TBC1D23: variants seen among roughly 807,000 people sequenced by gnomAD.
TBC1D23 encodes the protein TBC1 domain family member 23, also known as HCV non-structural protein 4A-transactivated protein 1.
Under a neutral mutation model 91.4 loss-of-function variants are expected in TBC1D23, and 55 were observed. The observed-to-expected ratio is 0.60, with a 90% confidence interval of 0.48 to 0.75. The LOEUF (loss-of-function observed/expected upper bound fraction) is 0.75. TBC1D23 is among the 30% of genes least tolerant of loss of function. TBC1D23 has a pLI of 0.00. For missense variants in TBC1D23, 725 were observed against 836.1 expected (o/e 0.87, Z 1.64); for synonymous variants, 289 against 281.0 (o/e 1.03, Z -0.28).
chr3:100,262,156 G>A (rs1052576601), intron 1 of TBC1D23, among the ~76,000 whole-genome samples: 1 of 152,174 alleles, frequency 6.6e-6, no homozygotes, highest in Non-Finnish European at 1.5e-5. Flanking sequence ...AAAACTTCAT[G>A]GTGATCTAGA....
In TBC1D23 at chr3:100,315,974, A is replaced by G. The variant is rs1705736389; in HGVS notation, c.1599-125A>G. 5 of 720,898 alleles carry G rather than the reference A, an allele frequency of 6.9e-6. No individual in the cohort carries two copies. In the Admixed American group the frequency reaches 1.0e-4, roughly 15 times the overall value. The allele number at this position is 720,898 out of a possible 1,614,324, so 44.7% of individuals were successfully genotyped here. ...GCTCTCCTAAAACTATGGGTAGTAC[A>G]TGGGGTTTTGGGGGGGTCAGGTAAG... On this transcript the variant is annotated intron_variant, in intron 15 of 18. Transcript: ENST00000394144.
chr3:100,313,506 AT>A (rs1172002449), intron 15 of TBC1D23, among the ~76,000 whole-genome samples: 1 of 152,210 alleles, frequency 6.6e-6, no homozygotes, highest in African/African-American at 2.4e-5. Context: ...CTTTCAAGAA[AT>A]GTCTCAATAA....
At chr3:100,277,558 A>G (rs997463121) in intron 1 of TBC1D23, among the ~76,000 whole-genome samples, 1 of 152,228 alleles carries the variant, frequency 6.6e-6, no homozygotes, top group African/African-American at 2.4e-5. Context: ...ACAAAATACA[A>G]GCTTTGTTCT....
chr3:100,267,700 A>G (rs2067568118), intron 1 of TBC1D23, among the ~76,000 whole-genome samples: 1 of 152,212 alleles, frequency 6.6e-6, no homozygotes. Flanking sequence ...TGTGAGTATC[A>G]TGTTGGTGCT....
chr3:100,308,255 C>T (rs930721680), intron 13 of TBC1D23, among the ~76,000 whole-genome samples: 1 of 151,952 alleles, frequency 6.6e-6, no homozygotes, highest in Non-Finnish European at 1.5e-5. Flanking sequence ...GCGGGCAGAT[C>T]ACGAGGTCAG....
intron 4 of TBC1D23, among the ~76,000 whole-genome samples, chr3:100,286,324 C>A (rs945815471): frequency 1.3e-5 from 2 of 152,150 alleles, no homozygotes; most frequent in Non-Finnish European, 2.9e-5. Context: ...TAGTTAGGAA[C>A]AGTGGGGAAA....
At chr3:100,316,226 A>T (rs1411175580) in intron 16 of TBC1D23, 39 bp downstream of exon 16, 10 of 1,376,308 alleles carry the variant, frequency 7.3e-6, no homozygotes, top group Non-Finnish European at 9.3e-6. Flanking sequence ...CTTTGCTGTC[A>T]TTAGGAGTGA....
chr3:100,305,674 G>A (rs1313469949), intron 12 of TBC1D23, among the ~76,000 whole-genome samples: 3 of 152,084 alleles, frequency 2.0e-5, no homozygotes, highest in African/African-American at 7.2e-5. Flanking sequence ...AGGATTTTGG[G>A]AACATTAGGA....
In TBC1D23 at chr3:100,316,174, A is replaced by G; in HGVS notation, c.1674A>G (p.Glu558=). The part of the protein sequence containing the change: ...VKPVFSIGDE[E]EYDTDEIDSS... ...CTGTTTTCAGCATTGGGGATGAAGA[A>G]GAATACGACACAGGTGTAGTAATAC... The change falls in exon 16 of 19, where the codon GAA becomes GAG. Residue 558 remains glutamate, a synonymous_variant. Transcript: ENST00000394144. 1 of 1,613,412 alleles carries G rather than the reference A, an allele frequency of 6.2e-7. No individual in the cohort carries two copies. Among genetic ancestry groups the G allele is most frequent in the Non-Finnish European group, 8.5e-7 (1 of 1,179,318 alleles).
intron 1 of TBC1D23, among the ~76,000 whole-genome samples, chr3:100,268,359 T>C (rs1472699564): frequency 6.6e-6 from 1 of 152,168 alleles, no homozygotes; most frequent in Non-Finnish European, 1.5e-5. Context: ...TGAAATCCTT[T>C]TATCAAAAAA....
At chr3:100,322,478 G>A (rs945672040) in intron 18 of TBC1D23, among the ~76,000 whole-genome samples, 5 of 152,180 alleles carry the variant, frequency 3.3e-5, no homozygotes, top group African/African-American at 1.2e-4. Flanking sequence ...GCCTCATGTT[G>A]ATTGGCATTT....
chr3:100,316,540 A>T (rs1705748315), intron 16 of TBC1D23, among the ~76,000 whole-genome samples: 1 of 151,972 alleles, frequency 6.6e-6, no homozygotes, highest in Non-Finnish European at 1.5e-5. Flanking sequence ...CTAAGGAGAG[A>T]GGTTTAAACT....
intron 10 of TBC1D23, among the ~76,000 whole-genome samples, chr3:100,301,442 G>A (rs923543317): frequency 1.3e-5 from 2 of 152,140 alleles, no homozygotes; most frequent in African/African-American, 4.8e-5. Context: ...TGAGTGTGCT[G>A]TTTATATTTG....
chr3:100,289,405 C>T (rs146468070), intron 4 of TBC1D23, among the ~76,000 whole-genome samples: 6 of 152,008 alleles, frequency 3.9e-5, no homozygotes, highest in Admixed American at 6.5e-5. Flanking sequence ...CCTCTGGGCT[C>T]GAAAGGTTTT....
In TBC1D23 at chr3:100,324,473, A is replaced by G. The variant is rs1193540949; in HGVS notation, c.*805A>G. On this transcript the variant is annotated 3_prime_UTR_variant, in exon 19 of 19. Coordinates refer to ENST00000394144, the MANE Select transcript of TBC1D23 (RefSeq NM_001199198.3). ...ATTATTTTATTCATATTTTAAAACA[A>G]ATGTTTAAGCCACATTGATTTATCC... The G allele has an allele frequency of 6.6e-6, 1 of 152,222 alleles. No individual in the cohort carries two copies. The allele number at this position is 152,222 out of a possible 1,614,324, so 9.4% of individuals were successfully genotyped here.
intron 1 of TBC1D23, among the ~76,000 whole-genome samples, chr3:100,262,159 G>T (rs2067516556): frequency 2.0e-5 from 3 of 152,206 alleles, no homozygotes; most frequent in African/African-American, 7.2e-5. Flanking sequence ...ACTTCATGGT[G>T]ATCTAGATAT....
rs2067829469 is a variant in TBC1D23, at chr3:100,295,292, C to T, written c.726-10C>T. 1 of 1,608,352 alleles carries T rather than the reference C, an allele frequency of 6.2e-7. No individual in the cohort carries two copies. The highest frequency in any genetic ancestry group is 8.5e-7 in the Non-Finnish European group (1 of 1,178,080). ...TATTTAACTCAAATTGATTTGATTC[C>T]CTTTTACAGAGAAGTTATTTTAACA... On this transcript the variant is annotated splice_polypyrimidine_tract_variant and intron_variant, in intron 6 of 18. Coordinates refer to ENST00000394144, the MANE Select transcript of TBC1D23 (RefSeq NM_001199198.3).
chr3:100,323,569 A>G lies in TBC1D23; in HGVS notation c.2019-18A>G, dbSNP rs139830540. 23 of 1,334,302 alleles carry G rather than the reference A, an allele frequency of 1.7e-5. No individual in the cohort carries two copies. The African/African-American group carries it at 3.2e-4, about 19-fold the overall frequency. 82.7% of individuals were successfully genotyped at this position (1,334,302 alleles called of 1,614,324 possible). ...TGTATATATATATGTATATATATGT[A>G]TTTTTTTTCCCCCTTAGGTATTTGA... On this transcript the variant is annotated intron_variant, in intron 18 of 18. Transcript: ENST00000394144.
At chr3:100,267,484 G>T (rs1213106319) in intron 1 of TBC1D23, among the ~76,000 whole-genome samples, 1 of 152,122 alleles carries the variant, frequency 6.6e-6, no homozygotes, top group Non-Finnish European at 1.5e-5. Flanking sequence ...CATAGCATTT[G>T]ATAGTTGGGT....
Sources: gnomAD v4.1 joint callset for allele counts (sites outside exome capture counted in the v4.1 genomes callset) on GRCh38, gnomAD v4.1.1 for gene constraint, MANE v1.5 for transcripts, NCBI Gene and HGNC (gene_info 2026-07-23, HGNC 2026-07-21) for gene names.